DPP10: variants seen among roughly 807,000 people sequenced by gnomAD.
DPP10 encodes the protein inactive dipeptidyl peptidase 10.
DPP10 carries 33 observed loss-of-function variants against 120.9 expected under a neutral mutation model. The ratio of observed to expected loss-of-function variants is 0.27; its 90% CI spans 0.21 to 0.37. The LOEUF (loss-of-function observed/expected upper bound fraction) is 0.37, where lower values mean the gene tolerates loss of function less well. Ranked by LOEUF, DPP10 falls within the 10% of genes least tolerant of loss-of-function variation. The probability of loss-of-function intolerance (pLI) is 1.00; values close to 1 mark genes in which losing one functional copy is unlikely to be tolerated. For missense variants in DPP10, 816 were observed against 942.8 expected, an observed-to-expected ratio of 0.87 and a Z score of 1.76; for synonymous variants, 337 against 326.1, an observed-to-expected ratio of 1.03 and a Z score of -0.36.
intron 1 of DPP10, among the ~76,000 whole-genome samples, chr2:114,446,051 A>G (rs571267172): frequency 6.6e-6 from 1 of 152,212 alleles, no homozygotes; most frequent in Non-Finnish European, 1.5e-5. Context: ...GAGATGTTTA[A>G]TGGAAAGTTT....
intron 19 of DPP10, among the ~76,000 whole-genome samples, chr2:115,808,824 A>G (rs1173738409): frequency 6.6e-6 from 1 of 152,346 alleles, no homozygotes; most frequent in East Asian, 1.9e-4. Context: ...AATTTAATTT[A>G]TGAACAGAAT....
intron 1 of DPP10, among the ~76,000 whole-genome samples, chr2:114,506,780 T>C (rs572363201): frequency 6.6e-6 from 1 of 152,322 alleles, no homozygotes; most frequent in South Asian, 2.1e-4. Flanking sequence ...AGCTAGCCTG[T>C]GAAGGCATCA....
chr2:115,838,632 T>C, intron 24 of DPP10, among the ~76,000 whole-genome samples: 1 of 152,170 alleles, frequency 6.6e-6, no homozygotes, highest in Admixed American at 6.5e-5. Flanking sequence ...ATTTCAAATT[T>C]CTCTGTCAAT....
intron 1 of DPP10, among the ~76,000 whole-genome samples, chr2:114,803,177 T>C (rs1340315652): frequency 1.3e-5 from 2 of 152,214 alleles, no homozygotes; most frequent in African/African-American, 4.8e-5. Context: ...TTCTTCCTTA[T>C]TTTCTCTTGT....
At chr2:114,983,251 A>G (rs191101089) in intron 1 of DPP10, among the ~76,000 whole-genome samples, 1 of 152,310 alleles carries the variant, frequency 6.6e-6, no homozygotes, top group East Asian at 1.9e-4. Flanking sequence ...GAAAGGTTTA[A>G]TTAGTTACAT....
At chr2:115,456,821 A>G (rs1004621992) in intron 3 of DPP10, among the ~76,000 whole-genome samples, 5 of 151,988 alleles carry the variant, frequency 3.3e-5, no homozygotes, top group African/African-American at 1.2e-4. Flanking sequence ...GTGGGTGAGG[A>G]GCTAGGGGAG....
chr2:114,970,384 A>G (rs1319630136), intron 1 of DPP10, among the ~76,000 whole-genome samples: 1 of 152,180 alleles, frequency 6.6e-6, no homozygotes, highest in Non-Finnish European at 1.5e-5. Context: ...ATATTTTAAA[A>G]GCCCCACCTT....
At chr2:115,317,214 C>T (rs910672189) in intron 2 of DPP10, among the ~76,000 whole-genome samples, 1 of 152,216 alleles carries the variant, frequency 6.6e-6, no homozygotes, top group African/African-American at 2.4e-5. Flanking sequence ...CCCTCATCCC[C>T]TGGCAATCAC....
At chr2:115,113,741 G>A (rs1349178191) in intron 1 of DPP10, among the ~76,000 whole-genome samples, 3 of 152,092 alleles carry the variant, frequency 2.0e-5, no homozygotes, top group Admixed American at 6.6e-5. Context: ...AACATATAAC[G>A]TTCTACATAG....
chr2:115,534,301 C>T (rs1017310207), intron 5 of DPP10, among the ~76,000 whole-genome samples: 9 of 151,890 alleles, frequency 5.9e-5, no homozygotes, highest in Non-Finnish European at 1.2e-4. Context: ...TGATGTTCCC[C>T]TTCCTGTGTC....
chr2:115,292,862 G>A (rs958745988), intron 1 of DPP10, among the ~76,000 whole-genome samples: 4 of 152,088 alleles, frequency 2.6e-5, no homozygotes, highest in African/African-American at 9.7e-5. Context: ...GATGGTGACC[G>A]AATCCTTGAA....
chr2:115,110,099 C>CA (rs1314737189), intron 1 of DPP10, among the ~76,000 whole-genome samples: 1 of 152,054 alleles, frequency 6.6e-6, no homozygotes, highest in Admixed American at 6.5e-5. Flanking sequence ...CAGCGCCTGG[C>CA]AAAAAAGTCA....
intron 1 of DPP10, among the ~76,000 whole-genome samples, chr2:115,065,040 C>T (rs531694488): frequency 2.6e-5 from 4 of 152,240 alleles, no homozygotes; most frequent in African/African-American, 9.6e-5. Flanking sequence ...CCATAACATA[C>T]TTTCACATTT....
intron 1 of DPP10, among the ~76,000 whole-genome samples, chr2:115,224,144 A>G (rs1244511155): frequency 6.6e-6 from 1 of 152,120 alleles, no homozygotes; most frequent in African/African-American, 2.4e-5. Flanking sequence ...GTGTAAAGTT[A>G]CAACTGTGAA....
chr2:115,560,564 C>G (rs1009826921), intron 5 of DPP10, among the ~76,000 whole-genome samples: 37 of 148,130 alleles, frequency 2.5e-4, no homozygotes, highest in African/African-American at 8.7e-4. Flanking sequence ...ATCTATTCCC[C>G]CCACCCCCGA....
chr2:115,373,964 A>G (rs2065602079), intron 3 of DPP10, among the ~76,000 whole-genome samples: 1 of 151,930 alleles, frequency 6.6e-6, no homozygotes, highest in African/African-American at 2.4e-5. Context: ...CTTACTCACT[A>G]TCATGAGAAA....
chr2:115,673,336 C>T (rs2090050044), intron 5 of DPP10, among the ~76,000 whole-genome samples: 1 of 152,088 alleles, frequency 6.6e-6, no homozygotes, highest in Non-Finnish European at 1.5e-5. Context: ...GAGTTAATGT[C>T]ATGATGAATA....
chr2:115,014,922 A>G lies in DPP10; in HGVS notation c.61-294317A>G, dbSNP rs895187208. Among the ~76,000 whole-genome samples, 7 of 151,654 alleles carry G rather than the reference A, an allele frequency of 4.6e-5. 1 individual carries two copies. Among genetic ancestry groups the G allele is most frequent in the Admixed American group, 4.6e-4 (7 of 15,232 alleles). On this transcript the variant is annotated intron_variant, in intron 1 of 25. Coordinates refer to ENST00000410059, the MANE Select transcript of DPP10 (RefSeq NM_020868.6). ...TTCACAGCCAAATTCTACCAGAGGT[A>G]CAAAGAGGAGCTGGTACCATTCTTT...
intron 7 of DPP10, among the ~76,000 whole-genome samples, chr2:115,716,255 G>A (rs1220294028): frequency 6.6e-6 from 1 of 152,182 alleles, no homozygotes; most frequent in African/African-American, 2.4e-5. Flanking sequence ...ATAATTTATT[G>A]CAAACAACCC....
Sources: allele counts gnomAD v4.1 joint callset (sites outside exome capture counted in the v4.1 genomes callset), GRCh38; gene constraint gnomAD v4.1.1; transcripts MANE v1.5; gene names NCBI Gene and HGNC (gene_info 2026-07-23, HGNC 2026-07-21).